MDGA2: variants seen among roughly 807,000 people sequenced by gnomAD.
The protein encoded by MDGA2 is MAM domain-containing glycosylphosphatidylinositol anchor protein 2.
In MDGA2, 40 loss-of-function variants were observed where a neutral mutation model predicts 117.8. The ratio of observed to expected loss-of-function variants is 0.34; its 90% CI spans 0.26 to 0.44. The LOEUF is 0.44. Ranked by LOEUF, MDGA2 falls within the 20% of genes least tolerant of loss-of-function variation. MDGA2 has a pLI of 1.00. For missense variants in MDGA2, 1,123 were observed against 1,250.6 expected (o/e 0.90, Z 1.54); for synonymous variants, 452 against 439.0 (o/e 1.03, Z -0.37).
At chr14:46,900,468 A>G (rs1213772921) in intron 10 of MDGA2, among the ~76,000 whole-genome samples, 1 of 152,186 alleles carries the variant, frequency 6.6e-6, no homozygotes, top group Non-Finnish European at 1.5e-5. Flanking sequence ...AATGTATTTT[A>G]AAGAAAGAAT....
intron 7 of MDGA2, among the ~76,000 whole-genome samples, chr14:47,045,755 A>G (rs1364515999): frequency 6.6e-6 from 1 of 152,160 alleles, no homozygotes; most frequent in Non-Finnish European, 1.5e-5. Context: ...ACCTGAGGTC[A>G]GGAGTTTGAG....
At chr14:47,088,896 G>C (rs1037882254) in intron 6 of MDGA2, among the ~76,000 whole-genome samples, 3 of 152,112 alleles carry the variant, frequency 2.0e-5, no homozygotes, top group Non-Finnish European at 4.4e-5. Flanking sequence ...AAAATATAAT[G>C]ATATTTAGAA....
At chr14:47,587,902 C>T (rs1218382551) in intron 1 of MDGA2, among the ~76,000 whole-genome samples, 1 of 151,878 alleles carries the variant, frequency 6.6e-6, no homozygotes, top group African/African-American at 2.4e-5. Flanking sequence ...TTAGACACTC[C>T]TTGCACCTCT....
At chr14:47,426,504 A>C (rs912231710) in intron 1 of MDGA2, among the ~76,000 whole-genome samples, 4 of 151,908 alleles carry the variant, frequency 2.6e-5, no homozygotes, top group African/African-American at 4.8e-5. Context: ...CAACCATTTT[A>C]ACTATGAAAT....
intron 1 of MDGA2, among the ~76,000 whole-genome samples, chr14:47,393,598 C>T (rs1891943384): frequency 6.6e-6 from 1 of 152,072 alleles, no homozygotes; most frequent in African/African-American, 2.4e-5. Flanking sequence ...CAGTCTGTTT[C>T]CAAGGACCAG....
chr14:47,440,003 T>A (rs2416078), intron 1 of MDGA2, among the ~76,000 whole-genome samples: 3 of 151,818 alleles, frequency 2.0e-5, no homozygotes, highest in African/African-American at 7.3e-5. Flanking sequence ...CTGCACCTGG[T>A]GTGCACTGTT....
intron 3 of MDGA2, among the ~76,000 whole-genome samples, chr14:47,170,438 A>G (rs1233007101): frequency 6.6e-6 from 1 of 152,136 alleles, no homozygotes; most frequent in East Asian, 1.9e-4. Flanking sequence ...CCCAACTTTT[A>G]CAAGAATGCT....
chr14:47,530,983 T>A (rs865977373), intron 1 of MDGA2, among the ~76,000 whole-genome samples: 1 of 152,128 alleles, frequency 6.6e-6, no homozygotes, highest in Non-Finnish European at 1.5e-5. Context: ...TAGGAGCTCA[T>A]GCCTGTAATC....
chr14:47,497,741 T>C (rs1024736087), intron 1 of MDGA2, among the ~76,000 whole-genome samples: 6 of 152,156 alleles, frequency 3.9e-5, no homozygotes, highest in African/African-American at 1.4e-4. Flanking sequence ...AATAATAAAA[T>C]TTAAAAATAA....
At chr14:47,152,760 C>A (rs187843282) in intron 3 of MDGA2, among the ~76,000 whole-genome samples, 6 of 151,926 alleles carry the variant, frequency 3.9e-5, no homozygotes, top group Non-Finnish European at 7.4e-5. Flanking sequence ...CAAATACAGA[C>A]AACTATTTCT....
chr14:47,117,759 G>A (rs1479178187), intron 5 of MDGA2, among the ~76,000 whole-genome samples: 2 of 152,066 alleles, frequency 1.3e-5, no homozygotes, highest in Admixed American at 1.3e-4. Context: ...AGTGAGGAGG[G>A]AAATGAAGAG....
chr14:47,212,144 T>C (rs1885907599), intron 3 of MDGA2, among the ~76,000 whole-genome samples: 1 of 152,172 alleles, frequency 6.6e-6, no homozygotes, highest in Non-Finnish European at 1.5e-5. Flanking sequence ...CTAAAAAGTT[T>C]AGAAGAAAAA....
intron 8 of MDGA2, among the ~76,000 whole-genome samples, chr14:47,001,851 G>T (rs1253782768): frequency 6.6e-6 from 1 of 152,028 alleles, no homozygotes; most frequent in Non-Finnish European, 1.5e-5. Context: ...AGCAGTGGTG[G>T]TATATACATT....
rs547869606 is a variant in MDGA2, at chr14:47,620,671, T to C, written c.280+53846A>G. On this transcript the variant is annotated intron_variant, in intron 1 of 16. Coordinates refer to ENST00000399232, the MANE Select transcript of MDGA2 (RefSeq NM_001113498.3). ...CTTCAGAGTATCAACAATTTTTAAA[T>C]AAGATTAAGAATCTGGTTGCCATTG... Among the ~76,000 whole-genome samples the C allele has an allele frequency of 3.3e-5, 5 of 152,310 alleles. No homozygotes were observed. In the East Asian group the frequency reaches 9.6e-4, roughly 29 times the overall value.
chr14:47,019,576 G>T (rs959864939), intron 8 of MDGA2, among the ~76,000 whole-genome samples: 1 of 152,054 alleles, frequency 6.6e-6, no homozygotes, highest in Admixed American at 6.5e-5. Flanking sequence ...GGGCGCGGTA[G>T]CTCACGCCTG....
chr14:46,963,813 C>T (rs1885905926), intron 8 of MDGA2, among the ~76,000 whole-genome samples: 1 of 152,152 alleles, frequency 6.6e-6, no homozygotes, highest in African/African-American at 2.4e-5. Flanking sequence ...ATCATTGTTG[C>T]ATCCTATGTG....
At chr14:47,178,133 T>C (rs1226994229) in intron 3 of MDGA2, among the ~76,000 whole-genome samples, 1 of 152,006 alleles carries the variant, frequency 6.6e-6, no homozygotes, top group Non-Finnish European at 1.5e-5. Flanking sequence ...AGCTCCATTT[T>C]GATAAAAAAA....
intron 1 of MDGA2, among the ~76,000 whole-genome samples, chr14:47,357,260 T>C (rs1274772409): frequency 6.6e-6 from 1 of 152,226 alleles, no homozygotes; most frequent in Non-Finnish European, 1.5e-5. Flanking sequence ...ATTGGACTAA[T>C]CTTGTCAGAC....
At chr14:46,844,857 T>G (rs1880761998) in intron 16 of MDGA2, among the ~76,000 whole-genome samples, 1 of 151,846 alleles carries the variant, frequency 6.6e-6, no homozygotes, top group African/African-American at 2.4e-5. Flanking sequence ...GAGTTTTCAC[T>G]AGATCTGATG....
Sources: allele counts gnomAD v4.1 joint callset (sites outside exome capture counted in the v4.1 genomes callset), GRCh38; gene constraint gnomAD v4.1.1; transcripts MANE v1.5; gene names NCBI Gene and HGNC (gene_info 2026-07-23, HGNC 2026-07-21).